APOD: variants seen among roughly 807,000 people sequenced by gnomAD.
APOD encodes the protein apolipoprotein D, also known as apo-D.
A neutral mutation model predicts 20.4 loss-of-function variants in APOD; 22 were observed. The observed-to-expected ratio is 1.08, with a 90% CI of 0.77 to 1.54. APOD has a LOEUF of 1.54. APOD is among the 40% of genes most tolerant of loss of function. The pLI, the probability that APOD is intolerant of heterozygous loss-of-function variation, is 0.00. For missense variants in APOD, 223 were observed against 229.6 expected, an observed-to-expected ratio of 0.97 and a Z score of 0.19; for synonymous variants, 97 against 92.4, an observed-to-expected ratio of 1.05 and a Z score of -0.29.
chr3:195,573,764 A>G (rs1031109414), intron 3 of APOD, 86 bp downstream of exon 3: 26 of 1,528,336 alleles, frequency 1.7e-5, no homozygotes, highest in Admixed American at 1.4e-4. Context: ...CAAGGTTCCC[A>G]TCCTCCCTGA....
chr3:195,579,087 A>G (rs1433627794), intron 2 of APOD, among the ~76,000 whole-genome samples: 2 of 152,026 alleles, frequency 1.3e-5, no homozygotes, highest in Non-Finnish European at 1.5e-5. Context: ...CAGCTCAGGA[A>G]CGCACCCTTT....
At chr3:195,583,610 G>A (rs772419360) in intron 1 of APOD, among the ~76,000 whole-genome samples, 5 of 152,172 alleles carry the variant, frequency 3.3e-5, no homozygotes, top group South Asian at 2.1e-4. Context: ...AGCAAAAGAC[G>A]CTGGGATGAG....
chr3:195,579,245 G>T (rs1720294035), intron 2 of APOD, 94 bp downstream of exon 2: 2 of 1,541,666 alleles, frequency 1.3e-6, no homozygotes, highest in African/African-American at 1.4e-5. Flanking sequence ...CCCAAGGTGT[G>T]CAGTGGAAAT....
chr3:195,582,433 A>G (rs1720355572), intron 1 of APOD, among the ~76,000 whole-genome samples: 1 of 152,198 alleles, frequency 6.6e-6, no homozygotes, highest in South Asian at 2.1e-4. Flanking sequence ...ACTTTACAAA[A>G]TAAGTATAAT....
At chr3:195,579,730 G>T (rs1030868883) in intron 1 of APOD, among the ~76,000 whole-genome samples, 11 of 152,184 alleles carry the variant, frequency 7.2e-5, no homozygotes, top group Non-Finnish European at 1.6e-4. Flanking sequence ...ATTCTGGTTT[G>T]TTGGATTGAT....
At chr3:195,576,927 G>A (rs2108969935) in intron 2 of APOD, 1 of 160,020 alleles carries the variant, frequency 6.2e-6, no homozygotes, top group South Asian at 1.6e-4. Context: ...GCTCACACCT[G>A]TAATCCTAGC....
At chr3:195,579,627 C>T in intron 1 of APOD, 132 bp from the exon 2 acceptor site, 2 of 952,540 alleles carry the variant, frequency 2.1e-6, no homozygotes, top group Non-Finnish European at 3.1e-6. Flanking sequence ...CCCATGTGAA[C>T]CCTCATCCTG....
In APOD at chr3:195,579,499, C is replaced by T. The variant is rs149677644; in HGVS notation, c.-34-4G>A. On this transcript the variant is annotated splice_region_variant and splice_polypyrimidine_tract_variant and intron_variant, in intron 1 of 4. Transcript: ENST00000343267. ...TGGCTGGAGAAGGGACCTGGAGCTG[C>T]GGGAACGCAAAGCAGCTGGGGTTGT... The T allele has an allele frequency of 3.7e-4, 594 of 1,605,850 alleles. 2 individuals are homozygous for T. The African/African-American group carries it at 7.3e-3, about 20-fold the overall frequency.
chr3:195,573,509 A>T (rs1720199914), intron 3 of APOD, among the ~76,000 whole-genome samples: 1 of 152,242 alleles, frequency 6.6e-6, no homozygotes, highest in Non-Finnish European at 1.5e-5. Context: ...GTGTTTGAAC[A>T]AAGCTGGATG....
At chr3:195,582,463 G>A (rs73196178) in intron 1 of APOD, among the ~76,000 whole-genome samples, 16,507 of 152,084 alleles carry the variant, frequency 0.11, 978 homozygotes, top group Middle Eastern at 0.26. Context: ...ATTTTTGGCC[G>A]GGCATGATGG....
At chr3:195,577,263 T>A (rs945678365) in intron 2 of APOD, 1 of 280,468 alleles carries the variant, frequency 3.6e-6, no homozygotes, top group Admixed American at 5.1e-5. Context: ...TATTTGGGAA[T>A]AAATTTAACC....
chr3:195,568,842 T>TGGGG lies in APOD; in HGVS notation c.*57_*58insCCCC, dbSNP rs1560456945. 2.2e-6 allele frequency: 2 copies of TGGGG among 914,178 alleles called. No homozygotes were observed. Among genetic ancestry groups the TGGGG allele is most frequent in the Non-Finnish European group, 3.2e-6 (2 of 620,196 alleles). 56.6% of individuals were successfully genotyped at this position (914,178 alleles called of 1,614,324 possible). On this transcript the variant is annotated 3_prime_UTR_variant, in exon 5 of 5. Coordinates refer to ENST00000343267, the MANE Select transcript of APOD (RefSeq NM_001647.4). Reference sequence around the variant, plus strand: ...TTGGTTTGTCTTTATGGGGGGGGGGTAGGGGAAAGCGAAGCAGAAGTAACA... The same window carrying TGGGG: ...TTGGTTTGTCTTTATGGGGGGGGGGTGGGGAGGGGAAAGCGAAGCAGAAGTAACA...
In APOD at chr3:195,579,479, G is replaced by A. The variant is rs1181274052; in HGVS notation, c.-18C>T. On this transcript the variant is annotated 5_prime_UTR_variant, in exon 2 of 5. Coordinates refer to ENST00000343267, the MANE Select transcript of APOD (RefSeq NM_001647.4). The stretch of plus-strand genomic sequence containing the variant: ...ATCACCATCTTGGGGCTGGGTGGCT[G>A]GAGAAGGGACCTGGAGCTGCGGGAA... 3 of 1,610,774 alleles carry A rather than the reference G, an allele frequency of 1.9e-6. No homozygotes were observed. The highest frequency in any genetic ancestry group is 2.2e-5 in the South Asian group (2 of 91,084).
chr3:195,575,928 T>C (rs1254461781), intron 2 of APOD, among the ~76,000 whole-genome samples: 1 of 152,068 alleles, frequency 6.6e-6, no homozygotes, highest in African/African-American at 2.4e-5. Context: ...GCCTGGCCTA[T>C]TCTAGAAATT....
chr3:195,583,184 C>CG (rs890823771), intron 1 of APOD: 2 of 152,104 alleles, frequency 1.3e-5, no homozygotes, highest in Non-Finnish European at 2.9e-5. Flanking sequence ...TGAATTTGCC[C>CG]GGGTTACTTC....
intron 1 of APOD, 34 bp from the exon 2 acceptor site, chr3:195,579,529 C>G (rs1720300710): frequency 6.3e-7 from 1 of 1,588,670 alleles, no homozygotes. Context: ...GGTTGTCATT[C>G]TGAGCCTTCT....
In APOD at chr3:195,579,438, AAGC is replaced by A. The variant is rs1560046832; in HGVS notation, c.21_23del (p.Leu8del). On this transcript the variant is annotated inframe_deletion, in exon 2 of 5. Coordinates refer to ENST00000343267, the MANE Select transcript of APOD (RefSeq NM_001647.4). ...CACCGAAGAGGCCAGCCAGTGCGGA[AAGC>A]AGCAGCAGCAGCATCACCATCTTGG... 9 of 1,613,734 alleles carry A rather than the reference AAGC, an allele frequency of 5.6e-6. No homozygotes were observed. The highest frequency in any genetic ancestry group is 1.1e-5 in the South Asian group (1 of 91,084).
intron 1 of APOD, 60 bp from the exon 2 acceptor site, chr3:195,579,555 T>C (rs1290701489): frequency 6.5e-7 from 1 of 1,548,824 alleles, no homozygotes; most frequent in Non-Finnish European, 8.7e-7. Context: ...CACACAATCA[T>C]GAAGTAAGAG....
At chr3:195,580,946 T>C (rs1364533162) in intron 1 of APOD, among the ~76,000 whole-genome samples, 1 of 152,222 alleles carries the variant, frequency 6.6e-6, no homozygotes, top group African/African-American at 2.4e-5. Flanking sequence ...TGTGACTCCT[T>C]GCCTGTAGCT....
Sources: allele counts gnomAD v4.1 joint callset (sites outside exome capture counted in the v4.1 genomes callset), GRCh38; gene constraint gnomAD v4.1.1; transcripts MANE v1.5; gene names NCBI Gene and HGNC (gene_info 2026-07-23, HGNC 2026-07-21).